OIP5: variants seen among roughly 807,000 people sequenced by gnomAD.
OIP5 encodes Opa interacting protein 5.
OIP5 carries 24 observed loss-of-function variants against 20.3 expected under a neutral mutation model. The observed-to-expected ratio is 1.18, with a 90% confidence interval of 0.86 to 1.66. The LOEUF is 1.66. OIP5 is among the 40% of genes most tolerant of loss of function. OIP5 has a pLI of 0.00. For missense variants in OIP5, 339 were observed against 289.5 expected, an observed-to-expected ratio of 1.17 and a Z score of -1.24; for synonymous variants, 143 against 121.3, an observed-to-expected ratio of 1.18 and a Z score of -1.17.
intron 2 of OIP5, among the ~76,000 whole-genome samples, chr15:41,320,841 C>T (rs1026590385): frequency 7.7e-4 from 116 of 150,956 alleles, no homozygotes; most frequent in African/African-American, 2.8e-3. Flanking sequence ...AAGTGAGGAG[C>T]GCCTCTTCCC....
At chr15:41,323,524 G>C (rs749496910) in intron 2 of OIP5, among the ~76,000 whole-genome samples, 18 of 152,090 alleles carry the variant, frequency 1.2e-4, no homozygotes, top group Non-Finnish European at 2.4e-4. Context: ...TGGATGGAGT[G>C]CAGTGGTACA....
chr15:41,309,879 C>A, intron 4 of OIP5, 30 bp from the exon 5 acceptor site: 1 of 1,482,444 alleles, frequency 6.7e-7, no homozygotes, highest in Non-Finnish European at 9.4e-7. Context: ...GATATCAGGG[C>A]ATCTTTTTTT....
intron 2 of OIP5, among the ~76,000 whole-genome samples, chr15:41,327,812 T>A (rs2047871631): frequency 9.0e-6 from 1 of 110,564 alleles, no homozygotes; most frequent in African/African-American, 4.4e-5. Context: ...TAAAATAAAA[T>A]AATTGAAAAG....
At chr15:41,311,166 G>T (rs1028244062) in intron 4 of OIP5, among the ~76,000 whole-genome samples, 1 of 152,106 alleles carries the variant, frequency 6.6e-6, no homozygotes, top group East Asian at 1.9e-4. Context: ...TCGGAAGTTC[G>T]AGAACAGCCT....
intron 2 of OIP5, among the ~76,000 whole-genome samples, chr15:41,331,401 C>A (rs1460309430): frequency 1.3e-5 from 2 of 152,086 alleles, no homozygotes; most frequent in African/African-American, 4.8e-5. Context: ...CAAGCGTGGG[C>A]AACATACTAA....
At chr15:41,321,574 T>C (rs1024989688) in intron 2 of OIP5, among the ~76,000 whole-genome samples, 6 of 152,168 alleles carry the variant, frequency 3.9e-5, no homozygotes, top group Admixed American at 1.3e-4. Flanking sequence ...TTTTGTTCTG[T>C]ACTAAGAAAA....
intron 2 of OIP5, among the ~76,000 whole-genome samples, chr15:41,324,792 AT>A (rs1485124526): frequency 2.0e-5 from 3 of 151,816 alleles, no homozygotes; most frequent in Non-Finnish European, 4.4e-5. Flanking sequence ...GCCTAACCCC[AT>A]TTTTTTTCTT....
At chr15:41,320,311 TCTCC>T (rs1360125026) in intron 2 of OIP5, among the ~76,000 whole-genome samples, 1 of 152,006 alleles carries the variant, frequency 6.6e-6, no homozygotes, top group Non-Finnish European at 1.5e-5. Context: ...CTTTCCACGG[TCTCC>T]CTCTGATGCC....
chr15:41,324,019 G>C (rs1443973677), intron 2 of OIP5, among the ~76,000 whole-genome samples: 3 of 97,218 alleles, frequency 3.1e-5, no homozygotes, highest in Non-Finnish European at 5.8e-5. Context: ...AGATGGTCTT[G>C]CTCTGTCACC....
At chr15:41,316,789 C>CAAAAAAA (rs11385589) in intron 3 of OIP5, among the ~76,000 whole-genome samples, 5 of 61,850 alleles carry the variant, frequency 8.1e-5, no homozygotes, top group Admixed American at 2.1e-4. Flanking sequence ...GACTCCATCT[C>CAAAAAAA]AAAAAAAAAA....
intron 4 of OIP5, among the ~76,000 whole-genome samples, chr15:41,312,799 T>G (rs1295135548): frequency 2.0e-5 from 3 of 152,116 alleles, no homozygotes; most frequent in South Asian, 2.1e-4. Flanking sequence ...CGGCTAATTT[T>G]TTGTATTTGT....
intron 2 of OIP5, among the ~76,000 whole-genome samples, chr15:41,326,825 A>G (rs2047864771): frequency 6.6e-6 from 1 of 152,056 alleles, no homozygotes; most frequent in Admixed American, 6.6e-5. Context: ...GGTTAGCATC[A>G]CCTAGCTTGC....
intron 2 of OIP5, among the ~76,000 whole-genome samples, chr15:41,323,220 A>G (rs781126244): frequency 6.6e-6 from 1 of 152,150 alleles, no homozygotes; most frequent in African/African-American, 2.4e-5. Context: ...TTCGGGCGCA[A>G]TGGCTCACGC....
At chr15:41,332,030 T>C (rs746839264) in intron 1 of OIP5, 49 bp from the exon 2 acceptor site, 2 of 1,569,890 alleles carry the variant, frequency 1.3e-6, no homozygotes, top group African/African-American at 1.3e-5. Flanking sequence ...GGCCTTGAAA[T>C]GGAAAATCTC....
intron 3 of OIP5, among the ~76,000 whole-genome samples, chr15:41,318,890 CAGG>C (rs770985346): frequency 8.6e-5 from 13 of 151,120 alleles, no homozygotes; most frequent in Non-Finnish European, 8.9e-5. Context: ...AAAAAAAAAA[CAGG>C]AGTCTCACTA....
At chr15:41,309,920 ACT>A (rs2140456751) in intron 4 of OIP5, 71 bp from the exon 5 acceptor site, 1 of 1,061,304 alleles carries the variant, frequency 9.4e-7, no homozygotes, top group Admixed American at 2.1e-5. Flanking sequence ...ACAGGGTCTC[ACT>A]CTGTTGCCTG....
At chr15:41,321,929 A>G (rs1567026482) in intron 2 of OIP5, among the ~76,000 whole-genome samples, 1 of 64,396 alleles carries the variant, frequency 1.6e-5, no homozygotes, top group Admixed American at 1.3e-4. Context: ...ATAAAAAAAT[A>G]AATAAATAAA....
chr15:41,324,263 G>A (rs1484527462), intron 2 of OIP5, among the ~76,000 whole-genome samples: 2 of 152,072 alleles, frequency 1.3e-5, no homozygotes, highest in African/African-American at 2.4e-5. Context: ...CCAAAGTGCT[G>A]GGATTACAGG....
chr15:41,313,214 AG>A, intron 4 of OIP5, 58 bp downstream of exon 4: 1 of 1,014,936 alleles, frequency 9.9e-7, no homozygotes, highest in Non-Finnish European at 1.5e-6. Context: ...GTTCATTGGT[AG>A]AAGTTATCAA....
Sources: allele counts gnomAD v4.1 joint callset (sites outside exome capture counted in the v4.1 genomes callset), GRCh38; gene constraint gnomAD v4.1.1; transcripts MANE v1.5; gene names NCBI Gene and HGNC (gene_info 2026-07-23, HGNC 2026-07-21).